The following EXOC4 variants were observed in gnomAD, a reference collection of about 807,000 sequenced individuals.
EXOC4 encodes exocyst complex component 4.
Under a neutral mutation model 107.2 loss-of-function variants are expected in EXOC4, and 71 were observed. The ratio of observed to expected loss-of-function variants is 0.66; its 90% CI spans 0.55 to 0.81. The LOEUF (loss-of-function observed/expected upper bound fraction) is 0.81, where lower values mean the gene tolerates loss of function less well. Among genes scored for constraint, EXOC4 ranks in the 30% least tolerant of loss-of-function variants. EXOC4 has a pLI of 0.00. For missense variants in EXOC4, 1,108 were observed against 1,189.6 expected (o/e 0.93, Z 1.01); for synonymous variants, 456 against 441.2 (o/e 1.03, Z -0.42).
chr7:133,517,061 A>G (rs908980710), intron 9 of EXOC4, among the ~76,000 whole-genome samples: 2 of 152,134 alleles, frequency 1.3e-5, no homozygotes, highest in Non-Finnish European at 2.9e-5. Context: ...AATTTGGACA[A>G]TGAGAGTAAA....
chr7:134,035,046 CTT>C (rs146401762), intron 17 of EXOC4, among the ~76,000 whole-genome samples: 9 of 128,836 alleles, frequency 7.0e-5, no homozygotes, highest in African/African-American at 1.4e-4. Context: ...CTTTTCTTTA[CTT>C]TTTTTTTTTT....
the EXOC4 span, among the ~76,000 whole-genome samples, chr7:134,077,123 C>G: frequency 6.6e-6 from 1 of 152,174 alleles, no homozygotes; most frequent in East Asian, 1.9e-4. Flanking sequence ...CAGCCCAGGT[C>G]TGGAGGCCTG....
In EXOC4 at chr7:133,584,585, G is replaced by GTT. The variant is rs10670895; in HGVS notation, c.1418-45450_1418-45449dup. Among the ~76,000 whole-genome samples, 8 of 124,990 alleles carry GTT rather than the reference G, an allele frequency of 6.4e-5. 2 individuals are homozygous for GTT. The South Asian group carries it at 2.0e-3, about 31-fold the overall frequency. 82.0% of individuals were successfully genotyped at this position (124,990 alleles called of 152,430 possible). A position where few individuals can be genotyped will look rare whatever the true frequency, so the allele number is the denominator to read the frequency against. Reference sequence around the variant, plus strand: ...TTTTACGTATTTCAGTTTTTTTTTTGTTTTTTTTTTTGAGACAGAGTCTCG... The same window carrying GTT: ...TTTTACGTATTTCAGTTTTTTTTTTGTTTTTTTTTTTTTGAGACAGAGTCTCG... On this transcript the variant is annotated intron_variant, in intron 9 of 17. Transcript: ENST00000253861.
chr7:133,710,379 G>A (rs976452013), intron 10 of EXOC4, among the ~76,000 whole-genome samples: 4 of 152,058 alleles, frequency 2.6e-5, no homozygotes, highest in Admixed American at 2.0e-4. Context: ...TGGTAGTTGC[G>A]GCCGGGCGCG....
intron 7 of EXOC4, among the ~76,000 whole-genome samples, chr7:133,434,207 C>A (rs185937165): frequency 6.0e-4 from 92 of 152,216 alleles, no homozygotes; most frequent in Non-Finnish European, 9.6e-4. Context: ...CATGAGACCT[C>A]CCTAAAGCAG....
At chr7:133,303,088 A>G (rs1365103822) in intron 3 of EXOC4, among the ~76,000 whole-genome samples, 1 of 152,194 alleles carries the variant, frequency 6.6e-6, no homozygotes, top group Non-Finnish European at 1.5e-5. Context: ...CTGCCTCACT[A>G]ACTTTTCCTT....
intron 10 of EXOC4, among the ~76,000 whole-genome samples, chr7:133,782,144 C>T (rs1796481480): frequency 6.6e-6 from 1 of 152,120 alleles, no homozygotes; most frequent in South Asian, 2.1e-4. Context: ...ACCATATTGG[C>T]TTCCTTAGCT....
chr7:133,543,383 C>T (rs1471462211), intron 9 of EXOC4, among the ~76,000 whole-genome samples: 1 of 152,052 alleles, frequency 6.6e-6, no homozygotes, highest in East Asian at 1.9e-4. Flanking sequence ...TGTTGAGTCT[C>T]AGAGGAGTAT....
chr7:133,454,662 T>C (rs556808247), intron 7 of EXOC4, among the ~76,000 whole-genome samples: 1 of 152,318 alleles, frequency 6.6e-6, no homozygotes, highest in African/African-American at 2.4e-5. Context: ...GAAACAAAAT[T>C]TCTTCCTTGC....
chr7:133,862,002 G>T (rs1473049028), intron 11 of EXOC4, among the ~76,000 whole-genome samples: 1 of 152,120 alleles, frequency 6.6e-6, no homozygotes, highest in Non-Finnish European at 1.5e-5. Context: ...TTTCATGTGA[G>T]ATCAAGCTGA....
chr7:133,533,150 A>G (rs149917377), intron 9 of EXOC4, among the ~76,000 whole-genome samples: 1 of 152,152 alleles, frequency 6.6e-6, no homozygotes, highest in African/African-American at 2.4e-5. Context: ...TGGTTTATCT[A>G]TAGATTTTTG....
intron 10 of EXOC4, among the ~76,000 whole-genome samples, chr7:133,637,005 G>A (rs569088944): frequency 8.5e-5 from 13 of 152,226 alleles, no homozygotes; most frequent in East Asian, 1.9e-4. Context: ...TGTAGAAATC[G>A]CCATATTGCA....
At chr7:134,090,969 G>A in the EXOC4 span, among the ~76,000 whole-genome samples, 1 of 151,734 alleles carries the variant, frequency 6.6e-6, no homozygotes, top group Non-Finnish European at 1.5e-5. Context: ...TCTTTACCCA[G>A]GTATATGCAC....
rs1247251801 is a variant in EXOC4 at position 133,270,622 on chromosome 7, TAGAA to T, written c.87-4356_87-4353del. Among the ~76,000 whole-genome samples, 3 of 152,322 alleles carry T rather than the reference TAGAA, an allele frequency of 2.0e-5. 1 individual carries two copies. The highest frequency in any genetic ancestry group is 4.4e-5 in the Non-Finnish European group (3 of 68,032). ...GAGACTAGGATCAATGGGTAGAAAT[TAGAA>T]AGAGGCTGATTTTATTTTATTTTAA... On this transcript the variant is annotated intron_variant, in intron 1 of 17. Coordinates refer to ENST00000253861, the MANE Select transcript of EXOC4 (RefSeq NM_021807.4).
intron 10 of EXOC4, among the ~76,000 whole-genome samples, chr7:133,642,507 C>A (rs578052424): frequency 2.5e-4 from 38 of 152,334 alleles, no homozygotes; most frequent in African/African-American, 8.7e-4. Context: ...TTACCCCACA[C>A]GTCTAGTGTT....
chr7:133,532,402 C>T (rs1165324303), intron 9 of EXOC4, among the ~76,000 whole-genome samples: 2 of 152,030 alleles, frequency 1.3e-5, no homozygotes, highest in Non-Finnish European at 2.9e-5. Context: ...GTATTAGTTC[C>T]ACTCTCCCAC....
At chr7:133,871,897 A>G (rs907136129) in intron 11 of EXOC4, among the ~76,000 whole-genome samples, 24 of 152,226 alleles carry the variant, frequency 1.6e-4, no homozygotes, top group Non-Finnish European at 2.8e-4. Flanking sequence ...CACCTACAAT[A>G]ATGGGTGGCT....
the EXOC4 span, among the ~76,000 whole-genome samples, chr7:134,080,332 G>A: frequency 1.3e-5 from 2 of 152,212 alleles, no homozygotes; most frequent in Non-Finnish European, 2.9e-5. Context: ...GGGACTAAAA[G>A]TAGTTGTGAG....
At chr7:133,765,349 A>G (rs1796114294) in intron 10 of EXOC4, among the ~76,000 whole-genome samples, 1 of 152,052 alleles carries the variant, frequency 6.6e-6, no homozygotes, top group South Asian at 2.1e-4. Context: ...AAAATTTAAA[A>G]AGCTGAATAG....
Sources: allele counts gnomAD v4.1 joint callset (sites outside exome capture counted in the v4.1 genomes callset), GRCh38; gene constraint gnomAD v4.1.1; transcripts MANE v1.5; gene names NCBI Gene and HGNC (gene_info 2026-07-23, HGNC 2026-07-21).